Variants in KCNH8 observed in about 807,000 individuals in gnomAD.
KCNH8 encodes the protein voltage-gated delayed rectifier potassium channel KCNH8.
KCNH8 carries 70 observed loss-of-function variants against 103.6 expected under a neutral mutation model. The observed-to-expected ratio is 0.68, with a 90% CI of 0.56 to 0.82. The LOEUF (loss-of-function observed/expected upper bound fraction) is 0.82, where lower values mean the gene tolerates loss of function less well. KCNH8 is among the 40% of genes least tolerant of loss of function. The pLI, the probability that KCNH8 is intolerant of heterozygous loss-of-function variation, is 0.00. For missense variants in KCNH8, 1,217 were observed against 1,329.9 expected (o/e 0.92, Z 1.32); for synonymous variants, 498 against 489.4 (o/e 1.02, Z -0.23).
intron 2 of KCNH8, among the ~76,000 whole-genome samples, chr3:19,276,414 T>G (rs1175036748): frequency 6.6e-6 from 1 of 152,060 alleles, no homozygotes; most frequent in African/African-American, 2.4e-5. Context: ...TTGCTATAAT[T>G]TCAAAAAGTA....
At chr3:19,345,989 G>GT (rs2065723722) in intron 4 of KCNH8, among the ~76,000 whole-genome samples, 1 of 151,962 alleles carries the variant, frequency 6.6e-6, no homozygotes, top group Non-Finnish European at 1.5e-5. Flanking sequence ...TCACTTTTGA[G>GT]TTTTCCCAAA....
intron 1 of KCNH8, among the ~76,000 whole-genome samples, chr3:19,253,083 C>G (rs545645331): frequency 6.6e-6 from 1 of 152,144 alleles, no homozygotes; most frequent in Non-Finnish European, 1.5e-5. Flanking sequence ...GTACTCCTCA[C>G]AATTATTTCA....
At chr3:19,449,656 T>C (rs2067414425) in intron 8 of KCNH8, among the ~76,000 whole-genome samples, 1 of 152,112 alleles carries the variant, frequency 6.6e-6, no homozygotes, top group African/African-American at 2.4e-5. Context: ...AAAATTTATT[T>C]CATTCATTAC....
chr3:19,196,596 G>C (rs924464248), intron 1 of KCNH8, among the ~76,000 whole-genome samples: 2 of 151,960 alleles, frequency 1.3e-5, no homozygotes, highest in Non-Finnish European at 2.9e-5. Flanking sequence ...GTGGAAAGTG[G>C]ATAGAAGTGC....
intron 1 of KCNH8, among the ~76,000 whole-genome samples, chr3:19,203,477 A>T (rs563377202): frequency 3.8e-4 from 58 of 152,222 alleles, no homozygotes; most frequent in South Asian, 8.3e-4. Context: ...TGCTTACCAG[A>T]CAACTCAGAG....
intron 7 of KCNH8, among the ~76,000 whole-genome samples, chr3:19,415,657 T>C (rs1002967746): frequency 1.3e-5 from 2 of 152,082 alleles, no homozygotes; most frequent in African/African-American, 4.8e-5. Context: ...ACTTGCTCAG[T>C]CCAAATGCTC....
At chr3:19,284,878 AAAAG>A (rs1281073397) in intron 3 of KCNH8, among the ~76,000 whole-genome samples, 6 of 149,586 alleles carry the variant, frequency 4.0e-5, no homozygotes, top group African/African-American at 7.5e-5. Context: ...ATAAAAAAAA[AAAAG>A]AAAAGGAAAG....
chr3:19,212,349 C>T (rs2125225855), intron 1 of KCNH8, among the ~76,000 whole-genome samples: 1 of 152,254 alleles, frequency 6.6e-6, no homozygotes, highest in South Asian at 2.1e-4. Context: ...CTTCAACATA[C>T]CTGGCAACTC....
intron 3 of KCNH8, among the ~76,000 whole-genome samples, chr3:19,291,609 C>T (rs903155412): frequency 1.3e-5 from 2 of 152,120 alleles, no homozygotes; most frequent in African/African-American, 2.4e-5. Context: ...GTCTGAGAGA[C>T]AGTTTGTTAT....
intron 14 of KCNH8, among the ~76,000 whole-genome samples, chr3:19,517,156 G>A (rs2068888542): frequency 6.6e-6 from 1 of 151,810 alleles, no homozygotes; most frequent in African/African-American, 2.4e-5. Context: ...TAAGCTCCAT[G>A]AGTGTCAACT....
At chr3:19,474,938 A>G (rs1445969653) in intron 11 of KCNH8, among the ~76,000 whole-genome samples, 1 of 152,202 alleles carries the variant, frequency 6.6e-6, no homozygotes, top group Non-Finnish European at 1.5e-5. Flanking sequence ...GAGAACAACG[A>G]AATAGGATTC....
At chr3:19,428,787 C>T (rs1229365216) in intron 7 of KCNH8, among the ~76,000 whole-genome samples, 1 of 152,118 alleles carries the variant, frequency 6.6e-6, no homozygotes, top group South Asian at 2.1e-4. Context: ...GACAAGATCG[C>T]GTATGCACTT....
At chr3:19,299,007 A>C (rs1282845058) in intron 3 of KCNH8, among the ~76,000 whole-genome samples, 2 of 151,608 alleles carry the variant, frequency 1.3e-5, no homozygotes, top group Non-Finnish European at 2.9e-5. Flanking sequence ...GGAGTTGATG[A>C]AGGAAGAGAC....
chr3:19,442,402 A>G (rs1335921884), intron 8 of KCNH8, among the ~76,000 whole-genome samples: 1 of 152,232 alleles, frequency 6.6e-6, no homozygotes, highest in Non-Finnish European at 1.5e-5. Context: ...AATCCATAAG[A>G]TAATTGAGCT....
chr3:19,286,706 A>G (rs2064837377), intron 3 of KCNH8, among the ~76,000 whole-genome samples: 1 of 152,246 alleles, frequency 6.6e-6, no homozygotes, highest in African/African-American at 2.4e-5. Context: ...GCCCAATGCA[A>G]TGTAAATGCT....
At chr3:19,460,031 G>A (rs1456235519) in intron 11 of KCNH8, among the ~76,000 whole-genome samples, 1 of 151,984 alleles carries the variant, frequency 6.6e-6, no homozygotes, top group Non-Finnish European at 1.5e-5. Flanking sequence ...AAAAGCGGGT[G>A]TCAGAATTTT....
At chr3:19,485,670 C>A (rs1371688283) in intron 11 of KCNH8, among the ~76,000 whole-genome samples, 3 of 152,044 alleles carry the variant, frequency 2.0e-5, no homozygotes, top group African/African-American at 7.2e-5. Context: ...AGGTAGGTAC[C>A]AGGTCAGGTG....
At chr3:19,480,029 G>A (rs957656323) in intron 11 of KCNH8, among the ~76,000 whole-genome samples, 3 of 152,170 alleles carry the variant, frequency 2.0e-5, no homozygotes, top group African/African-American at 7.2e-5. Context: ...TAATGTTCCT[G>A]CTGGAGCATT....
chr3:19,518,387 T>C (rs1225637815), intron 15 of KCNH8, among the ~76,000 whole-genome samples: 1 of 152,068 alleles, frequency 6.6e-6, no homozygotes, highest in Non-Finnish European at 1.5e-5. Context: ...ATATTTGGTT[T>C]AATTGGTACA....
Sources: allele counts gnomAD v4.1 joint callset (sites outside exome capture counted in the v4.1 genomes callset), GRCh38; gene constraint gnomAD v4.1.1; transcripts MANE v1.5; gene names NCBI Gene and HGNC (gene_info 2026-07-23, HGNC 2026-07-21).